Variants in TENM4 observed in about 807,000 individuals in gnomAD.
TENM4 encodes the protein teneurin transmembrane protein 4.
In TENM4, 82 loss-of-function variants were observed where a neutral mutation model predicts 243.3. That is an observed-to-expected ratio of 0.34 (90% CI 0.28 to 0.40). The LOEUF (loss-of-function observed/expected upper bound fraction) is 0.40. TENM4 is among the 10% of genes least tolerant of loss of function. The probability of loss-of-function intolerance (pLI) is 1.00; values close to 1 mark genes in which losing one functional copy is unlikely to be tolerated. For missense variants in TENM4, 3,138 were observed against 3,673.3 expected (o/e 0.85, Z 3.77); for synonymous variants, 1,412 against 1,456.3 (o/e 0.97, Z 0.69).
chr11:79,085,431 A>G (rs1457396607), intron 4 of TENM4, among the ~76,000 whole-genome samples: 1 of 150,776 alleles, frequency 6.6e-6, no homozygotes, highest in African/African-American at 2.4e-5. Context: ...AGTCAGGCAG[A>G]CCTTGATTTG....
At chr11:78,791,024 C>G (rs1857044948) in intron 15 of TENM4, among the ~76,000 whole-genome samples, 1 of 152,122 alleles carries the variant, frequency 6.6e-6, no homozygotes. Flanking sequence ...TCCACCAGCC[C>G]TTTACAAGCT....
intron 1 of TENM4, among the ~76,000 whole-genome samples, chr11:79,357,051 C>A (rs985460131): frequency 2.0e-5 from 3 of 152,172 alleles, no homozygotes; most frequent in South Asian, 2.1e-4. Flanking sequence ...ACCCTCTTCT[C>A]TTCTTTCACT....
At chr11:79,332,340 A>T (rs1384534941) in intron 1 of TENM4, among the ~76,000 whole-genome samples, 58 of 152,210 alleles carry the variant, frequency 3.8e-4, no homozygotes, top group Non-Finnish European at 1.6e-4. Flanking sequence ...TAAGGCCACA[A>T]ACCAAATGGC....
chr11:78,714,469 A>G (rs1241268654), intron 25 of TENM4, among the ~76,000 whole-genome samples: 1 of 139,116 alleles, frequency 7.2e-6, no homozygotes, highest in East Asian at 1.9e-4. Context: ...ATTTTCTCCA[A>G]CTGTCCTTCC....
chr11:78,938,395 A>G (rs1856829161), intron 6 of TENM4, among the ~76,000 whole-genome samples: 4 of 152,178 alleles, frequency 2.6e-5, no homozygotes. Flanking sequence ...ATCATCATTT[A>G]CCACTCAGAG....
intron 12 of TENM4, among the ~76,000 whole-genome samples, chr11:78,839,212 T>C (rs1858193938): frequency 6.6e-6 from 1 of 152,220 alleles, no homozygotes; most frequent in South Asian, 2.1e-4. Context: ...CAATTCCCTT[T>C]AGGATTCTGT....
intron 6 of TENM4, among the ~76,000 whole-genome samples, chr11:79,046,285 C>T (rs1859655615): frequency 6.6e-6 from 1 of 152,160 alleles, no homozygotes; most frequent in African/African-American, 2.4e-5. Context: ...GGCAACTGCT[C>T]CATTGTTCAG....
At chr11:79,142,523 G>A (rs1322339849) in intron 4 of TENM4, among the ~76,000 whole-genome samples, 1 of 152,028 alleles carries the variant, frequency 6.6e-6, no homozygotes, top group Non-Finnish European at 1.5e-5. Flanking sequence ...TTTATGGATT[G>A]GAAGAATCAA....
At chr11:78,951,011 C>T (rs577168322) in intron 6 of TENM4, among the ~76,000 whole-genome samples, 2 of 152,246 alleles carry the variant, frequency 1.3e-5, no homozygotes, top group African/African-American at 4.8e-5. Flanking sequence ...TTCCAGCACA[C>T]CTGCCTGCAG....
intron 7 of TENM4, among the ~76,000 whole-genome samples, chr11:78,902,584 G>A (rs1031603307): frequency 1.3e-5 from 2 of 152,200 alleles, no homozygotes; most frequent in African/African-American, 2.4e-5. Flanking sequence ...TGATGGACCC[G>A]CTCTGATTCT....
At chr11:79,351,812 C>T (rs187829318) in intron 1 of TENM4, among the ~76,000 whole-genome samples, 1 of 152,290 alleles carries the variant, frequency 6.6e-6, no homozygotes, top group African/African-American at 2.4e-5. Context: ...CTCTGACATC[C>T]CTTTTTTCTG....
At position 78,722,834 on chromosome 11, in the gene TENM4, G is replaced by A. The variant is rs371317384; in HGVS notation, c.3634C>T (p.Arg1212Trp). ...VIGSIMGNGR[R>W]RSISCPSCNG... Reference sequence around the variant, plus strand: ...CAGCTGGGGCAGGAGATGCTTCTCCGGCGCCCATTGCCCATGATGCTCCCA... The same window carrying A: ...CAGCTGGGGCAGGAGATGCTTCTCCAGCGCCCATTGCCCATGATGCTCCCA... The change falls in exon 24 of 34, where the codon CGG (arginine) becomes TGG (tryptophan). Residue 1212 changes from arginine to tryptophan, a missense_variant. Around this residue, in one of 2 missense-constraint regions of TENM4, gnomAD observed 2,467 missense variants for 3,059.1 expected, o/e 0.81. Transcript: ENST00000278550. 19 of 1,614,038 alleles carry A rather than the reference G, an allele frequency of 1.2e-5. No homozygotes were observed. The highest frequency in any genetic ancestry group is 1.1e-4 in the South Asian group (10 of 91,080).
intron 3 of TENM4, among the ~76,000 whole-genome samples, chr11:79,199,458 T>G (rs1863698045): frequency 6.6e-6 from 1 of 152,206 alleles, no homozygotes; most frequent in Non-Finnish European, 1.5e-5. Context: ...GGTGGAATAC[T>G]TCCATTACCT....
chr11:79,419,533 T>C (rs1350207224), intron 1 of TENM4, among the ~76,000 whole-genome samples: 5 of 152,170 alleles, frequency 3.3e-5, no homozygotes, highest in Admixed American at 6.5e-5. Flanking sequence ...TTAAATTAGA[T>C]TGGCAAAAAG....
At chr11:79,129,655 G>A (rs950675093) in intron 4 of TENM4, among the ~76,000 whole-genome samples, 1 of 152,074 alleles carries the variant, frequency 6.6e-6, no homozygotes, top group African/African-American at 2.4e-5. Context: ...AGCAGGGGCA[G>A]CCATAGTCCG....
At chr11:79,189,425 G>T (rs981705035) in intron 3 of TENM4, among the ~76,000 whole-genome samples, 5 of 152,228 alleles carry the variant, frequency 3.3e-5, no homozygotes, top group Non-Finnish European at 7.3e-5. Flanking sequence ...GAAGGAGTAT[G>T]CTTCCTAAGA....
chr11:79,433,521 T>C (rs1448483327), intron 1 of TENM4, among the ~76,000 whole-genome samples: 2 of 152,186 alleles, frequency 1.3e-5, no homozygotes, highest in African/African-American at 4.8e-5. Context: ...CTTTCAGAAA[T>C]CAACACTCAT....
intron 2 of TENM4, among the ~76,000 whole-genome samples, chr11:79,295,517 G>A (rs17138008): frequency 0.034 from 5,187 of 152,224 alleles, 254 homozygotes; most frequent in East Asian, 0.24. Context: ...GTGTCCTGCC[G>A]CAACAACTCA....
chr11:78,658,388 A>C lies in TENM4; in HGVS notation c.7980T>G (p.Thr2660=). The change falls in exon 34 of 34, where the codon ACT becomes ACG. Residue 2660 remains threonine, a synonymous_variant. Transcript: ENST00000278550. The part of the protein sequence containing the change: ...SQINTVLNGR[T]RRYTDIQLQY... ...GGAGCTGGATGTCTGTGTAGCGTCT[A>C]GTCCTGCCATTAAGTACTGTGTTGA... The C allele has an allele frequency of 6.2e-7, 1 of 1,614,036 alleles. No homozygotes were observed. The highest frequency in any genetic ancestry group is 8.5e-7 in the Non-Finnish European group (1 of 1,179,904).
Sources: gnomAD v4.1 joint callset for allele counts (sites outside exome capture counted in the v4.1 genomes callset) on GRCh38, gnomAD v4.1.1 for gene constraint, gnomAD v4.1.1 regional missense constraint, MANE v1.5 for transcripts, NCBI Gene and HGNC (gene_info 2026-07-23, HGNC 2026-07-21) for gene names.